The following ATRX variants were observed in gnomAD, a reference collection of about 807,000 sequenced individuals.
ATRX encodes the protein chromatin remodeler ATRX.
In ATRX, 12 loss-of-function variants were observed where a neutral mutation model predicts 172.6. The observed-to-expected ratio is 0.07, with a 90% confidence interval of 0.04 to 0.11. ATRX has a LOEUF of 0.11. ATRX is among the 10% of genes least tolerant of loss of function. The pLI is 1.00. For missense variants in ATRX, 1,368 were observed against 1,767.4 expected (o/e 0.77, Z 4.05); for synonymous variants, 674 against 594.7 (o/e 1.13, Z -1.94).
chrX:77,616,105 TAGA>T (rs2067348529), intron 22 of ATRX: 1 of 776,723 alleles, frequency 1.3e-6, no homozygotes. Flanking sequence ...AGAAATAAAC[TAGA>T]AGGTCTTCAT....
At chrX:77,701,993 G>A (rs1302848520) in intron 2 of ATRX, among the ~76,000 whole-genome samples, 2 of 111,109 alleles carry the variant, frequency 1.8e-5, no homozygotes, top group Non-Finnish European at 3.8e-5. Flanking sequence ...TTGAACCCAG[G>A]GGGTAGAGGT....
rs782083149 is a variant in ATRX at position 77,782,519 on chromosome X, C to T, written c.20+3463G>A. Among the ~76,000 whole-genome samples, 10 of 111,737 alleles carry T rather than the reference C, an allele frequency of 8.9e-5. No individual in the cohort carries two copies. In the East Asian group the frequency reaches 2.0e-3, roughly 22 times the overall value. On this transcript the variant is annotated intron_variant, in intron 1 of 34. Transcript: ENST00000373344. The stretch of plus-strand genomic sequence containing the variant: ...ATCCCAGCACTTTGGGAGGCAGAGG[C>T]GGGCAGATCACCTGAGGTCAGGAGT...
chrX:77,554,360 GTT>G (rs1557057908), intron 30 of ATRX, among the ~76,000 whole-genome samples: 3 of 111,446 alleles, frequency 2.7e-5, no homozygotes, highest in African/African-American at 9.8e-5. Flanking sequence ...TCTATTATCA[GTT>G]GAGTTCTACC....
In ATRX at chrX:77,709,412, G is replaced by A. The variant is rs922913435; in HGVS notation, c.133+7719C>T. Among the ~76,000 whole-genome samples, 3 of 110,514 alleles carry A rather than the reference G, an allele frequency of 2.7e-5. No individual in the cohort carries two copies. In the Admixed American group the frequency reaches 2.9e-4, roughly 11 times the overall value. On this transcript the variant is annotated intron_variant, in intron 2 of 34. Transcript: ENST00000373344. ...AATATAAAACAGTACAACCACTCTG[G>A]ATAACAGTTCAGGAGTTTCTTTTAA...
In ATRX at chrX:77,681,839, A is replaced by G. The variant is rs1603216127; in HGVS notation, c.3417T>C (p.Asn1139=). Residue 1139 remains asparagine (N), a synonymous_variant, in exon 9 of 35, where the codon AAT becomes AAC. Transcript: ENST00000373344. ...CCTTAGTATTTCTCTTTGAACTTAA[A>G]TTTCTTCTTTCCCTCAATTCTATTC... ...LKRIELRERR[N]LSSKRNTKEI... 4 of 1,200,548 alleles carry G rather than the reference A, an allele frequency of 3.3e-6. No homozygotes were observed. The highest frequency in any genetic ancestry group is 3.0e-5 in the East Asian group (1 of 33,724).
chrX:77,647,927 G>C (rs1045021026), intron 15 of ATRX, among the ~76,000 whole-genome samples: 2 of 111,583 alleles, frequency 1.8e-5, no homozygotes, highest in South Asian at 7.4e-4. Flanking sequence ...CTTTCAACCT[G>C]GCTGTATAAA....
intron 15 of ATRX, among the ~76,000 whole-genome samples, chrX:77,650,748 C>T (rs1557116255): frequency 9.0e-6 from 1 of 110,730 alleles, no homozygotes; most frequent in Non-Finnish European, 1.9e-5. Flanking sequence ...CCATACCTGG[C>T]TAATTTTTTT....
intron 6 of ATRX, chrX:77,691,151 T>C (rs782590473): frequency 8.9e-6 from 1 of 112,325 alleles, no homozygotes; most frequent in Non-Finnish European, 1.9e-5. Context: ...AAATGTTTTA[T>C]GAATACATAT....
intron 30 of ATRX, among the ~76,000 whole-genome samples, chrX:77,550,243 T>C (rs1179625759): frequency 1.8e-5 from 2 of 111,598 alleles, no homozygotes; most frequent in African/African-American, 6.5e-5. Flanking sequence ...AAAGTCTAGA[T>C]AAAAGTGCCA....
intron 2 of ATRX, among the ~76,000 whole-genome samples, chrX:77,716,327 T>A (rs868912396): frequency 7.0e-4 from 57 of 81,085 alleles, no homozygotes; most frequent in African/African-American, 2.5e-3. Flanking sequence ...AAAAAAAATA[T>A]ATATATATAT....
At chrX:77,702,304 G>A (rs373527329) in intron 2 of ATRX, among the ~76,000 whole-genome samples, 137 of 111,844 alleles carry the variant, frequency 1.2e-3, no homozygotes, top group Middle Eastern at 4.6e-3. Context: ...TTAGCTGGGC[G>A]TGGTGGCAGG....
chrX:77,778,051 C>T (rs1321913644), intron 1 of ATRX, among the ~76,000 whole-genome samples: 1 of 106,869 alleles, frequency 9.4e-6, no homozygotes, highest in Admixed American at 1.0e-4. Flanking sequence ...AGAAGAATCG[C>T]TTGAACCCAG....
intron 30 of ATRX, among the ~76,000 whole-genome samples, chrX:77,553,828 T>C (rs539713173): frequency 8.9e-6 from 1 of 111,884 alleles, no homozygotes; most frequent in Admixed American, 9.5e-5. Context: ...AGATTTCTAT[T>C]ATAGGATCTG....
chrX:77,668,986 C>T (rs1219552467), intron 10 of ATRX, among the ~76,000 whole-genome samples: 2 of 111,285 alleles, frequency 1.8e-5, no homozygotes, highest in African/African-American at 3.3e-5. Flanking sequence ...ATCAATAATT[C>T]GAAATGTTGA....
intron 30 of ATRX, among the ~76,000 whole-genome samples, chrX:77,551,454 T>C (rs1421570475): frequency 2.7e-5 from 3 of 112,073 alleles, no homozygotes; most frequent in East Asian, 2.8e-4. Flanking sequence ...TTACGCCTTA[T>C]ACAAAAATTA....
At chrX:77,710,772 G>A (rs1193096044) in intron 2 of ATRX, among the ~76,000 whole-genome samples, 2 of 111,243 alleles carry the variant, frequency 1.8e-5, no homozygotes, top group African/African-American at 6.5e-5. Flanking sequence ...ACAGATTAGT[G>A]GTTGCCAGGT....
chrX:77,732,724 C>T (rs539431216), intron 1 of ATRX, among the ~76,000 whole-genome samples: 3 of 111,794 alleles, frequency 2.7e-5, no homozygotes, highest in African/African-American at 9.8e-5. Context: ...ATTCAACATT[C>T]CTTCATGATA....
At chrX:77,712,418 C>A (rs1228684023) in intron 2 of ATRX, among the ~76,000 whole-genome samples, 1 of 112,282 alleles carries the variant, frequency 8.9e-6, no homozygotes, top group Non-Finnish European at 1.9e-5. Context: ...ATTCTAAAGA[C>A]AAAAAGAACT....
At chrX:77,670,090 A>G (rs782336633) in intron 10 of ATRX, among the ~76,000 whole-genome samples, 4 of 112,067 alleles carry the variant, frequency 3.6e-5, no homozygotes, top group Non-Finnish European at 7.5e-5. Flanking sequence ...TACATTCTAC[A>G]ATGACCATTT....
Sources: allele counts gnomAD v4.1 joint callset (sites outside exome capture counted in the v4.1 genomes callset), GRCh38; gene constraint gnomAD v4.1.1; transcripts MANE v1.5; gene names NCBI Gene and HGNC (gene_info 2026-07-23, HGNC 2026-07-21).